LMNB1: variants seen among roughly 807,000 people sequenced by gnomAD.
LMNB1 encodes the protein lamin-B1.
A neutral mutation model predicts 67.1 loss-of-function variants in LMNB1; 23 were observed. The observed-to-expected ratio is 0.34, with a 90% CI of 0.25 to 0.49. The LOEUF (loss-of-function observed/expected upper bound fraction) is 0.49, where lower values mean the gene tolerates loss of function less well. Among genes scored for constraint, LMNB1 ranks in the 20% least tolerant of loss-of-function variants. The pLI, the probability that LMNB1 is intolerant of heterozygous loss-of-function variation, is 0.99. For synonymous variants in LMNB1, 281 were observed against 282.9 expected (o/e 0.99, Z 0.07); for missense variants, 634 against 746.5 (o/e 0.85, Z 1.76).
chr5:126,787,546 A>ATATATATATATTT, intron 1 of LMNB1, among the ~76,000 whole-genome samples: 3 of 65,574 alleles, frequency 4.6e-5, no homozygotes, highest in African/African-American at 6.6e-5. Context: ...ATATATATAT[A>ATATATATATATTT]TTTTTTTTTT....
intron 1 of LMNB1, among the ~76,000 whole-genome samples, chr5:126,778,425 G>A (rs996830774): frequency 1.5e-4 from 23 of 152,216 alleles, no homozygotes; most frequent in African/African-American, 4.1e-4. Context: ...CTGGGGGTGG[G>A]TCCCGCTTTG....
Position 126,832,818 on chromosome 5 carries a change from TTAATA to T in LMNB1, c.1719+20_1719+24del. 6.9e-7 allele frequency: 1 copy of T among 1,450,744 alleles called. No individual in the cohort carries two copies. The highest frequency in any genetic ancestry group is 9.4e-7 in the Non-Finnish European group (1 of 1,067,082). The allele number at this position is 1,450,744 out of a possible 1,614,324, so 89.9% of individuals were successfully genotyped here. A position where few individuals can be genotyped will look rare whatever the true frequency, so the allele number is the denominator to read the frequency against. ...CACCAGCAGGTATTACTTTATTTAT[TTAATA>T]TATTTATTTCAAATTTTATTCACAG... On this transcript the variant is annotated intron_variant, in intron 10 of 10. Transcript: ENST00000261366.
In LMNB1 at chr5:126,787,546, A is replaced by ATATATATTTATT; in HGVS notation, c.359+9680_359+9681insATATATTTATTT. On this transcript the variant is annotated intron_variant, in intron 1 of 10. Coordinates refer to ENST00000261366, the MANE Select transcript of LMNB1 (RefSeq NM_005573.4). ...GGGGTATATATATATATATATATATATTTTTTTTTTTTTTTTTTGAGATAG... is the reference window on the plus strand; with the variant it reads ...GGGGTATATATATATATATATATATATATATATTTATTTTTTTTTTTTTTTTTTTTGAGATAG... Among the ~76,000 whole-genome samples the ATATATATTTATT allele has an allele frequency of 1.8e-3, 119 of 65,568 alleles. 5 individuals carry two copies. The highest frequency in any genetic ancestry group is 1.4e-3 in the Non-Finnish European group (51 of 36,666). The allele number at this position is 65,568 out of a possible 152,430, so 43.0% of individuals were successfully genotyped here. A position where few individuals can be genotyped will look rare whatever the true frequency, so the allele number is the denominator to read the frequency against.
At chr5:126,812,360 G>A (rs1366932506) in intron 5 of LMNB1, among the ~76,000 whole-genome samples, 1 of 152,174 alleles carries the variant, frequency 6.6e-6, no homozygotes, top group African/African-American at 2.4e-5. Flanking sequence ...TAACAATTAG[G>A]ATCCAGGAAA....
intron 1 of LMNB1, among the ~76,000 whole-genome samples, chr5:126,784,096 C>T (rs1342966358): frequency 1.5e-5 from 2 of 136,906 alleles, no homozygotes; most frequent in Non-Finnish European, 3.0e-5. Flanking sequence ...GCGATCTCAG[C>T]TCACTGCAAC....
chr5:126,776,890 G>C (rs377225545), upstream of LMNB1: 2 of 152,346 alleles, frequency 1.3e-5, no homozygotes, highest in African/African-American at 4.8e-5. Context: ...CCTGAGCCTG[G>C]TCCGGGAACC....
At chr5:126,792,730 C>A (rs1480836414) in intron 1 of LMNB1, among the ~76,000 whole-genome samples, 1 of 151,914 alleles carries the variant, frequency 6.6e-6, no homozygotes, top group East Asian at 1.9e-4. Flanking sequence ...GCATGTGCCA[C>A]CACGCCTGGC....
At chr5:126,794,176 C>T (rs1367891690) in intron 1 of LMNB1, among the ~76,000 whole-genome samples, 3 of 152,190 alleles carry the variant, frequency 2.0e-5, no homozygotes, top group South Asian at 2.1e-4. Context: ...CTGCCTGCCT[C>T]GGCCCCCTAT....
intron 1 of LMNB1, among the ~76,000 whole-genome samples, chr5:126,779,331 G>A (rs1020467312): frequency 6.6e-6 from 1 of 152,138 alleles, no homozygotes; most frequent in Non-Finnish European, 1.5e-5. Context: ...TGGATATTTA[G>A]TTATACAACT....
intron 1 of LMNB1, among the ~76,000 whole-genome samples, chr5:126,792,133 A>G (rs1227070463): frequency 1.5e-5 from 2 of 131,404 alleles, no homozygotes; most frequent in African/African-American, 2.8e-5. Flanking sequence ...AATTTGATGG[A>G]TTTGGTTCCT....
intron 9 of LMNB1, among the ~76,000 whole-genome samples, chr5:126,830,909 T>A (rs577740903): frequency 6.6e-6 from 1 of 152,364 alleles, no homozygotes; most frequent in African/African-American, 2.4e-5. Context: ...ACATTTTTTT[T>A]ATTACTAATT....
At position 126,777,878 on chromosome 5, in the gene LMNB1, G is replaced by A. The variant is rs1750512056; in HGVS notation, c.359+11G>A. On this transcript the variant is annotated intron_variant, in intron 1 of 10. Transcript: ENST00000261366. ...CCAGCTGCTCCTCAAGTGAGTGCTAGCTGGCGGCCGCGTTAGCGCCAAGGA... is the reference window on the plus strand; with the variant it reads ...CCAGCTGCTCCTCAAGTGAGTGCTAACTGGCGGCCGCGTTAGCGCCAAGGA... 2 of 1,386,268 alleles carry A rather than the reference G, an allele frequency of 1.4e-6. No individual in the cohort carries two copies. The highest frequency in any genetic ancestry group is 1.5e-5 in the African/African-American group (1 of 65,766). 85.9% of individuals were successfully genotyped at this position (1,386,268 alleles called of 1,614,324 possible). A position where few individuals can be genotyped will look rare whatever the true frequency, so the allele number is the denominator to read the frequency against.
At chr5:126,800,973 A>C (rs1267556512) in intron 1 of LMNB1, among the ~76,000 whole-genome samples, 1 of 60,812 alleles carries the variant, frequency 1.6e-5, no homozygotes, top group Non-Finnish European at 3.3e-5. Context: ...ATATATATAT[A>C]TATATATAAT....
intron 4 of LMNB1, 102 bp from the exon 5 acceptor site, chr5:126,811,671 G>A (rs1751579394): frequency 3.8e-6 from 4 of 1,064,760 alleles, no homozygotes; most frequent in Admixed American, 4.6e-5. Context: ...TCATCTACCA[G>A]TTACCAGCAG....
intron 5 of LMNB1, among the ~76,000 whole-genome samples, chr5:126,817,728 C>T (rs1268430782): frequency 2.0e-5 from 3 of 152,322 alleles, no homozygotes; most frequent in East Asian, 1.9e-4. Flanking sequence ...AATTTACCAG[C>T]AAGAGTACAG....
intron 1 of LMNB1, among the ~76,000 whole-genome samples, chr5:126,784,769 CCTCA>C (rs1750723294): frequency 1.3e-5 from 2 of 151,452 alleles, no homozygotes; most frequent in Admixed American, 1.3e-4. Context: ...CATTCTCCTG[CCTCA>C]CTCAGCCTCC....
At chr5:126,812,286 A>C (rs532239028) in intron 5 of LMNB1, among the ~76,000 whole-genome samples, 1 of 152,234 alleles carries the variant, frequency 6.6e-6, no homozygotes, top group Non-Finnish European at 1.5e-5. Context: ...AAAACATGCA[A>C]AAATTCTTTG....
At chr5:126,785,008 T>C (rs767464383) in intron 1 of LMNB1, among the ~76,000 whole-genome samples, 1 of 150,288 alleles carries the variant, frequency 6.7e-6, no homozygotes, top group East Asian at 2.0e-4. Flanking sequence ...TGAGACGGAG[T>C]CTTGCTGTGT....
chr5:126,832,855 A>G, intron 10 of LMNB1, 54 bp downstream of exon 10: 1 of 1,205,934 alleles, frequency 8.3e-7, no homozygotes, highest in Non-Finnish European at 1.1e-6. Context: ...ACAGAATTAC[A>G]TGAAGACCAA....
Sources: allele counts gnomAD v4.1 joint callset (sites outside exome capture counted in the v4.1 genomes callset), GRCh38; gene constraint gnomAD v4.1.1; transcripts MANE v1.5; gene names NCBI Gene and HGNC (gene_info 2026-07-23, HGNC 2026-07-21).